The following KDM5A variants were observed in gnomAD, a reference collection of about 807,000 sequenced individuals.
KDM5A encodes the protein lysine demethylase 5A.
Under a neutral mutation model 193.5 loss-of-function variants are expected in KDM5A, and 42 were observed. The observed-to-expected ratio is 0.22, with a 90% CI of 0.17 to 0.28. KDM5A has a LOEUF of 0.28. Ranked by LOEUF, KDM5A falls within the 10% of genes least tolerant of loss-of-function variation. KDM5A has a pLI of 1.00. For missense variants in KDM5A, 1,692 were observed against 2,055.1 expected (o/e 0.82, Z 3.42); for synonymous variants, 796 against 718.1 (o/e 1.11, Z -1.73).
intron 14 of KDM5A, among the ~76,000 whole-genome samples, chr12:328,413 G>A (rs61907027): frequency 0.3 from 44,959 of 152,014 alleles, 6,858 homozygotes; most frequent in East Asian, 0.51. Context: ...CTAAATCCCA[G>A]CCTTGGGGTT....
chr12:293,787 A>AG (rs1565523767), intron 26 of KDM5A, among the ~76,000 whole-genome samples: 4 of 108,702 alleles, frequency 3.7e-5, no homozygotes, highest in East Asian at 4.0e-4. Flanking sequence ...TCAAAAAAAA[A>AG]AGGGGGGGGG....
chr12:355,136 T>G (rs772021726), intron 7 of KDM5A, 22 bp downstream of exon 7: 6 of 1,414,134 alleles, frequency 4.2e-6, no homozygotes, highest in Non-Finnish European at 6.0e-6. Context: ...CTTTCCCTCC[T>G]GACAGACCCC....
chr12:324,718 CAA>C (rs921582557), intron 14 of KDM5A, among the ~76,000 whole-genome samples: 1 of 151,382 alleles, frequency 6.6e-6, no homozygotes, highest in African/African-American at 2.4e-5. Flanking sequence ...ACTAAAAATA[CAA>C]AAGTTAGCCG....
At chr12:365,460 A>G (rs1944346337) in intron 4 of KDM5A, among the ~76,000 whole-genome samples, 2 of 152,228 alleles carry the variant, frequency 1.3e-5, no homozygotes, top group South Asian at 4.1e-4. Context: ...CAAACTACAG[A>G]GCCAGAAAGC....
intron 1 of KDM5A, 56 bp downstream of exon 1, chr12:388,870 AG>A: frequency 6.4e-7 from 1 of 1,560,958 alleles, no homozygotes; most frequent in South Asian, 1.1e-5. Context: ...AGCTAAACCC[AG>A]TGTACGGACT....
intron 3 of KDM5A, among the ~76,000 whole-genome samples, chr12:377,625 TAA>T (rs1443725558): frequency 6.6e-6 from 1 of 152,196 alleles, no homozygotes; most frequent in Non-Finnish European, 1.5e-5. Context: ...AAACTACTAA[TAA>T]AGTTTAAGAG....
At chr12:374,645 G>A (rs1944477998) in intron 3 of KDM5A, among the ~76,000 whole-genome samples, 1 of 152,182 alleles carries the variant, frequency 6.6e-6, no homozygotes, top group African/African-American at 2.4e-5. Flanking sequence ...TTGCTCGTTA[G>A]TTGATGCAGT....
intron 27 of KDM5A, among the ~76,000 whole-genome samples, chr12:287,029 C>G (rs1217992603): frequency 6.6e-6 from 1 of 152,100 alleles, no homozygotes; most frequent in East Asian, 1.9e-4. Flanking sequence ...CCGAGAGGAT[C>G]CAATGAAATA....
intron 10 of KDM5A, among the ~76,000 whole-genome samples, chr12:345,454 A>G (rs1944059222): frequency 6.6e-6 from 1 of 152,220 alleles, no homozygotes; most frequent in South Asian, 2.1e-4. Context: ...CCCCAAAGCA[A>G]CAGAATATAC....
At position 377,822 on chromosome 12, in the gene KDM5A, T is replaced by C. The variant is rs540894924; in HGVS notation, c.366+6209A>G. Among the ~76,000 whole-genome samples, 9 of 152,238 alleles carry C rather than the reference T, an allele frequency of 5.9e-5. No homozygotes were observed. The South Asian group carries it at 1.9e-3, about 32-fold the overall frequency. On this transcript the variant is annotated intron_variant, in intron 3 of 27. Transcript: ENST00000399788. ...ATGGCAGTAAAAGGAATTTCCAGAC[T>C]GACAGGTGACCTTAAAAAAACACCC...
intron 3 of KDM5A, among the ~76,000 whole-genome samples, chr12:376,501 G>A (rs1157733002): frequency 2.6e-5 from 4 of 152,190 alleles, no homozygotes; most frequent in South Asian, 2.1e-4. Context: ...GGCTAGGAAC[G>A]GGAATTCCCT....
At chr12:386,111 A>G (rs1944634720) in intron 1 of KDM5A, 137 bp from the exon 2 acceptor site, 1 of 657,170 alleles carries the variant, frequency 1.5e-6, no homozygotes. Context: ...TTATAGAGAC[A>G]GAATGAGCAA....
intron 6 of KDM5A, among the ~76,000 whole-genome samples, chr12:355,938 A>G (rs1944225115): frequency 6.6e-6 from 1 of 152,248 alleles, no homozygotes; most frequent in Non-Finnish European, 1.5e-5. Context: ...TCCTACTGAC[A>G]AAAAACTTCC....
At chr12:362,611 G>A (rs973281089) in intron 5 of KDM5A, among the ~76,000 whole-genome samples, 9 of 152,178 alleles carry the variant, frequency 5.9e-5, no homozygotes, top group African/African-American at 2.2e-4. Context: ...TGTCATCCCT[G>A]TCAAAAACTA....
intron 3 of KDM5A, among the ~76,000 whole-genome samples, chr12:372,903 T>C (rs1944449286): frequency 1.3e-5 from 2 of 152,250 alleles, no homozygotes; most frequent in African/African-American, 2.4e-5. Flanking sequence ...TTTATTGATT[T>C]GCGTATATTG....
intron 22 of KDM5A, 53 bp from the exon 23 acceptor site, chr12:308,058 A>C: frequency 6.5e-7 from 1 of 1,538,416 alleles, no homozygotes; most frequent in South Asian, 1.1e-5. Context: ...TACCCCCCAA[A>C]ATACCAAATC....
rs960057605 is a variant in KDM5A, at chr12:285,247, C to T, written c.*209G>A. ...GAGACATGAAATATTGGCTGTTGTACCAAAGAAGACACCCTCTGCATAGAT... is the reference window on the plus strand; with the variant it reads ...GAGACATGAAATATTGGCTGTTGTATCAAAGAAGACACCCTCTGCATAGAT... On this transcript the variant is annotated 3_prime_UTR_variant, in exon 28 of 28. Coordinates refer to ENST00000399788, the MANE Select transcript of KDM5A (RefSeq NM_001042603.3). 1.0e-5 allele frequency: 6 copies of T among 594,988 alleles called. No homozygotes were observed. In the East Asian group the frequency reaches 1.7e-4, roughly 17 times the overall value. 36.9% of individuals were successfully genotyped at this position (594,988 alleles called of 1,614,324 possible).
intron 16 of KDM5A, 143 bp from the exon 17 acceptor site, chr12:322,710 T>C (rs1050994656): frequency 5.5e-6 from 4 of 728,490 alleles, no homozygotes; most frequent in Non-Finnish European, 9.2e-6. Context: ...GCTGTGAAAA[T>C]CTCACCAACA....
rs1172938921 is a variant in KDM5A at position 284,821 on chromosome 12, G to T, written c.*635C>A. ...TATCCTCATCTTACAAAGATAAGGT[G>T]ACCTGCCCCAGCTTGTGAGAGGTTC... On this transcript the variant is annotated 3_prime_UTR_variant, in exon 28 of 28. Coordinates refer to ENST00000399788, the MANE Select transcript of KDM5A (RefSeq NM_001042603.3). The T allele has an allele frequency of 4.3e-6, 1 of 233,764 alleles. No individual in the cohort carries two copies. The highest frequency in any genetic ancestry group is 5.6e-5 in the Admixed American group (1 of 17,938). The allele number at this position is 233,764 out of a possible 1,614,324, so 14.5% of individuals were successfully genotyped here. A position where few individuals can be genotyped will look rare whatever the true frequency, so the allele number is the denominator to read the frequency against.
Sources: gnomAD v4.1 joint callset for allele counts (sites outside exome capture counted in the v4.1 genomes callset) on GRCh38, gnomAD v4.1.1 for gene constraint, MANE v1.5 for transcripts, NCBI Gene and HGNC (gene_info 2026-07-23, HGNC 2026-07-21) for gene names.